Variants in SEPTIN9 observed in about 807,000 individuals in gnomAD.
SEPTIN9 encodes the protein septin-9.
SEPTIN9 carries 13 observed loss-of-function variants against 56.6 expected under a neutral mutation model. That is an observed-to-expected ratio of 0.23 (90% CI 0.15 to 0.37). The LOEUF is 0.37. Among genes scored for constraint, SEPTIN9 ranks in the 10% least tolerant of loss-of-function variants. The probability of loss-of-function intolerance (pLI) is 1.00; values close to 1 mark genes in which losing one functional copy is unlikely to be tolerated. For synonymous variants in SEPTIN9, 332 were observed against 334.1 expected (o/e 0.99, Z 0.07); for missense variants, 650 against 823.1 (o/e 0.79, Z 2.57).
At chr17:77,394,451 T>C (rs937817090) in intron 2 of SEPTIN9, among the ~76,000 whole-genome samples, 3 of 152,186 alleles carry the variant, frequency 2.0e-5, no homozygotes, top group African/African-American at 7.2e-5. Flanking sequence ...AGCCAGTGTT[T>C]CTTCAGGGAC....
In SEPTIN9 at chr17:77,395,549, A is replaced by G. The variant is rs552459761; in HGVS notation, c.77-6510A>G. 3.5e-4 allele frequency among the ~76,000 whole-genome samples: 53 copies of G among 150,946 alleles called. No individual in the cohort carries two copies. In the South Asian group the frequency reaches 0.011, roughly 31 times the overall value. On this transcript the variant is annotated intron_variant, in intron 2 of 11. Transcript: ENST00000427177. ...CTCAAAAAAAAAAAAAAAAAAGAAC[A>G]ATATCGATGGTTTTATTCCCTGAAC...
intron 2 of SEPTIN9, among the ~76,000 whole-genome samples, chr17:77,393,092 C>T (rs71384172): frequency 6.6e-6 from 1 of 152,112 alleles, no homozygotes; most frequent in African/African-American, 2.4e-5. Context: ...GAAGCAGGTC[C>T]TGAGACAGGG....
chr17:77,470,760 A>G (rs1211420652), intron 3 of SEPTIN9: 6 of 152,404 alleles, frequency 3.9e-5, no homozygotes, highest in African/African-American at 1.4e-4. Flanking sequence ...TTCAGAAAGC[A>G]TTTGAAGTTG....
In SEPTIN9 at chr17:77,319,750, C is replaced by G. The variant is rs1398269945; in HGVS notation, c.76+12553C>G. 1.1e-5 allele frequency: 12 copies of G among 1,071,094 alleles called. No individual in the cohort carries two copies. The highest frequency in any genetic ancestry group is 4.1e-4 in the Middle Eastern group (1 of 2,422). 66.3% of individuals were successfully genotyped at this position (1,071,094 alleles called of 1,614,324 possible). On this transcript the variant is annotated intron_variant, in intron 2 of 11. Coordinates refer to ENST00000427177, the MANE Select transcript of SEPTIN9 (RefSeq NM_001113491.2). This position sits in a 1 kb window ranked among gnomAD's most constrained non-coding sequence, Gnocchi z 5.3. Reference sequence around the variant, plus strand: ...ACCCTTAAGCCCAAGGAAATCGTAGCATCGCGGGACAGGGAAAATGAAAGA... The same window carrying G: ...ACCCTTAAGCCCAAGGAAATCGTAGGATCGCGGGACAGGGAAAATGAAAGA...
At chr17:77,489,193 A>G (rs372225388) in intron 7 of SEPTIN9, among the ~76,000 whole-genome samples, 233 of 152,178 alleles carry the variant, frequency 1.5e-3, no homozygotes, top group African/African-American at 5.3e-3. Context: ...GGGAGCCCCC[A>G]GCCAAGCACC....
chr17:77,402,018 C>A lies in SEPTIN9; in HGVS notation c.77-41C>A. ...GGAAACATGCCGGAGTGTTCCCTAG[C>A]CATCCATTCACCAATTGCATCCCCT... On this transcript the variant is annotated intron_variant, in intron 2 of 11. Coordinates refer to ENST00000427177, the MANE Select transcript of SEPTIN9 (RefSeq NM_001113491.2). The surrounding 1 kb of genome is among the most constrained non-coding windows in gnomAD (Gnocchi z 6.6). 6.3e-7 allele frequency: 1 copy of A among 1,591,662 alleles called. No homozygotes were observed. The highest frequency in any genetic ancestry group is 8.6e-7 in the Non-Finnish European group (1 of 1,164,968).
intron 3 of SEPTIN9, among the ~76,000 whole-genome samples, chr17:77,408,048 T>C (rs1166395594): frequency 6.7e-6 from 1 of 150,048 alleles, no homozygotes; most frequent in African/African-American, 2.5e-5. Context: ...ATAAGGCGGG[T>C]GCTCAGCGCT....
chr17:77,490,193 G>A (rs1407852984), intron 7 of SEPTIN9, among the ~76,000 whole-genome samples: 2 of 152,228 alleles, frequency 1.3e-5, no homozygotes, highest in African/African-American at 4.8e-5. Context: ...GAAAAGCTCG[G>A]CTCCAGAACT....
chr17:77,285,272 C>T (rs764397651), intron 1 of SEPTIN9, among the ~76,000 whole-genome samples: 4 of 152,160 alleles, frequency 2.6e-5, no homozygotes, highest in Non-Finnish European at 4.4e-5. Context: ...TTCCCAGGCT[C>T]CCCTGGAAAC....
At chr17:77,384,930 G>A (rs1165403567) in intron 2 of SEPTIN9, among the ~76,000 whole-genome samples, 1 of 151,666 alleles carries the variant, frequency 6.6e-6, no homozygotes, top group Non-Finnish European at 1.5e-5. Flanking sequence ...GAATATTGAT[G>A]GAAGTTACCT....
intron 1 of SEPTIN9, among the ~76,000 whole-genome samples, chr17:77,282,993 C>T (rs1417721709): frequency 6.6e-6 from 1 of 152,034 alleles, no homozygotes. Flanking sequence ...CCTCCCAGGT[C>T]GTGGGTCCTG....
rs553923444 is a variant in SEPTIN9 at position 77,388,692 on chromosome 17, C to T, written c.77-13367C>T. On this transcript the variant is annotated intron_variant, in intron 2 of 11. Coordinates refer to ENST00000427177, the MANE Select transcript of SEPTIN9 (RefSeq NM_001113491.2). ...GGGGTCACCGTCCCCTGTAATTAGGCTGCAGCTCATATTGGCTCGGGCAGA... is the reference window on the plus strand; with the variant it reads ...GGGGTCACCGTCCCCTGTAATTAGGTTGCAGCTCATATTGGCTCGGGCAGA... 1.3e-4 allele frequency among the ~76,000 whole-genome samples: 20 copies of T among 152,268 alleles called. No individual in the cohort carries two copies. The South Asian group carries it at 3.7e-3, about 28-fold the overall frequency.
intron 3 of SEPTIN9, among the ~76,000 whole-genome samples, chr17:77,419,206 C>T (rs1343588870): frequency 3.9e-5 from 6 of 152,222 alleles, no homozygotes; most frequent in Admixed American, 2.0e-4. Flanking sequence ...CTCTGCCCCT[C>T]CCCAGGCGGG....
intron 2 of SEPTIN9, among the ~76,000 whole-genome samples, chr17:77,387,954 C>T (rs536433205): frequency 5.6e-4 from 84 of 151,206 alleles, no homozygotes; most frequent in African/African-American, 2.0e-3. Flanking sequence ...AGGCAGGCGC[C>T]GTTTCCTGGA....
rs2032770408 is a variant in SEPTIN9 at position 77,318,038 on chromosome 17, G to A, written c.76+10841G>A. ...TGTACTCCAGCCTGGGTGGCAGAGC[G>A]AGACTCTGTCTCAATAAAATAAAAT... On this transcript the variant is annotated intron_variant, in intron 2 of 11. Coordinates refer to ENST00000427177, the MANE Select transcript of SEPTIN9 (RefSeq NM_001113491.2). This position sits in a 1 kb window ranked among gnomAD's most constrained non-coding sequence, Gnocchi z 4.9. Among the ~76,000 whole-genome samples the A allele has an allele frequency of 6.6e-6, 1 of 150,720 alleles. No individual in the cohort carries two copies. The highest frequency in any genetic ancestry group is 1.5e-5 in the Non-Finnish European group (1 of 67,824).
At chr17:77,391,830 G>A (rs948461313) in intron 2 of SEPTIN9, among the ~76,000 whole-genome samples, 1 of 152,244 alleles carries the variant, frequency 6.6e-6, no homozygotes, top group African/African-American at 2.4e-5. Flanking sequence ...GCTGGTGCTG[G>A]CTTGCCAGGT....
chr17:77,429,228 C>T lies in SEPTIN9; in HGVS notation c.721+26525C>T, dbSNP rs762144534. 3 of 471,144 alleles carry T rather than the reference C, an allele frequency of 6.4e-6. No homozygotes were observed. Among genetic ancestry groups the T allele is most frequent in the Non-Finnish European group, 8.8e-6 (2 of 227,244 alleles). 29.2% of individuals were successfully genotyped at this position (471,144 alleles called of 1,614,324 possible). ...GGCCACCTTGGTGAGGAGGAAATTGCAGGTGGAGAAGCTCGTTGACCGTGA... is the reference window on the plus strand; with the variant it reads ...GGCCACCTTGGTGAGGAGGAAATTGTAGGTGGAGAAGCTCGTTGACCGTGA... On this transcript the variant is annotated intron_variant, in intron 3 of 11. Transcript: ENST00000427177. This position sits in a 1 kb window ranked among gnomAD's most constrained non-coding sequence, Gnocchi z 5.2.
chr17:77,327,068 G>A lies in SEPTIN9; in HGVS notation c.76+19871G>A, dbSNP rs2033166593. 6.6e-6 allele frequency among the ~76,000 whole-genome samples: 1 copy of A among 151,700 alleles called. No homozygotes were observed. Among genetic ancestry groups the A allele is most frequent in the South Asian group, 2.1e-4 (1 of 4,814 alleles). ...TAAATTCCATGAGCCCCAGGAACAT[G>A]TGTAAAAGAAAAAAAAAAGAATAAA... On this transcript the variant is annotated intron_variant, in intron 2 of 11. Transcript: ENST00000427177. This position sits in a 1 kb window ranked among gnomAD's most constrained non-coding sequence, Gnocchi z 5.0.
At chr17:77,443,479 G>A (rs1361439405) in intron 3 of SEPTIN9, among the ~76,000 whole-genome samples, 10 of 152,134 alleles carry the variant, frequency 6.6e-5, no homozygotes, top group African/African-American at 2.2e-4. Flanking sequence ...TATAATGATA[G>A]CTTTTCAAGA....
Sources: allele counts gnomAD v4.1 joint callset (sites outside exome capture counted in the v4.1 genomes callset), GRCh38; gene constraint gnomAD v4.1.1; non-coding constraint Gnocchi (gnomAD v3.1); transcripts MANE v1.5; gene names NCBI Gene and HGNC (gene_info 2026-07-23, HGNC 2026-07-21).